NEK7: variants seen among roughly 807,000 people sequenced by gnomAD.
NEK7 encodes the protein NIMA related kinase 7.
A neutral mutation model predicts 44.6 loss-of-function variants in NEK7; 18 were observed. The observed-to-expected ratio is 0.40, with a 90% CI of 0.28 to 0.60. NEK7 has a LOEUF of 0.60. NEK7 is among the 20% of genes least tolerant of loss of function. The pLI is 0.38. For synonymous variants in NEK7, 130 were observed against 121.1 expected, an observed-to-expected ratio of 1.07 and a Z score of -0.48; for missense variants, 256 against 366.5, an observed-to-expected ratio of 0.70 and a Z score of 2.46.
At chr1:198,231,334 T>C (rs897210794) in intron 1 of NEK7, among the ~76,000 whole-genome samples, 1 of 139,612 alleles carries the variant, frequency 7.2e-6, no homozygotes, top group African/African-American at 2.8e-5. Flanking sequence ...TATATATATA[T>C]ATAAAAACAC....
chr1:198,184,312 G>T (rs1315423060), intron 1 of NEK7, among the ~76,000 whole-genome samples: 2 of 152,034 alleles, frequency 1.3e-5, no homozygotes, highest in African/African-American at 4.8e-5. Context: ...TTATGACTCA[G>T]TGCGATTTTT....
chr1:198,217,409 C>T (rs978502167), intron 1 of NEK7, among the ~76,000 whole-genome samples: 17 of 100,852 alleles, frequency 1.7e-4, no homozygotes, highest in Admixed American at 5.6e-4. Flanking sequence ...TGATAAAAAC[C>T]CTCAACTAGG....
chr1:198,281,906 A>G (rs909580688), intron 7 of NEK7, among the ~76,000 whole-genome samples: 10 of 152,074 alleles, frequency 6.6e-5, no homozygotes, highest in Admixed American at 6.6e-4. Context: ...CACATTTCCA[A>G]TTAGTTTTCA....
intron 1 of NEK7, among the ~76,000 whole-genome samples, chr1:198,230,805 A>C (rs1039202381): frequency 6.6e-6 from 1 of 151,886 alleles, no homozygotes; most frequent in African/African-American, 2.4e-5. Flanking sequence ...GAATTAAAAA[A>C]CCCCACCATT....
intron 9 of NEK7, among the ~76,000 whole-genome samples, chr1:198,316,038 A>G (rs1655358170): frequency 1.3e-5 from 2 of 152,364 alleles, no homozygotes; most frequent in African/African-American, 2.4e-5. Flanking sequence ...GCATACCAAC[A>G]TTTGGTAGAT....
chr1:198,202,781 A>G (rs1361059626), intron 1 of NEK7, among the ~76,000 whole-genome samples: 2 of 152,188 alleles, frequency 1.3e-5, no homozygotes, highest in Non-Finnish European at 2.9e-5. Flanking sequence ...ATCTGCCCCC[A>G]TGATTCAGTT....
chr1:198,312,701 G>A (rs1407503291), intron 9 of NEK7, among the ~76,000 whole-genome samples: 3 of 151,604 alleles, frequency 2.0e-5, no homozygotes, highest in Non-Finnish European at 4.4e-5. Context: ...TATGTACCCA[G>A]TAGTCATTCA....
intron 2 of NEK7, among the ~76,000 whole-genome samples, chr1:198,251,162 G>A (rs1168376735): frequency 6.6e-6 from 1 of 151,998 alleles, no homozygotes. Flanking sequence ...CTTTGGTTCT[G>A]TTTATATGCT....
chr1:198,172,795 A>G (rs1311981162), intron 1 of NEK7, among the ~76,000 whole-genome samples: 1 of 151,546 alleles, frequency 6.6e-6, no homozygotes, highest in African/African-American at 2.5e-5. Flanking sequence ...AAGAAATATT[A>G]ACCACATCAG....
At chr1:198,231,324 TATATATATATATAA>T (rs1410927811) in intron 1 of NEK7, among the ~76,000 whole-genome samples, 4 of 143,470 alleles carry the variant, frequency 2.8e-5, no homozygotes, top group South Asian at 2.2e-4. Flanking sequence ...TATATATATA[TATATATATATATAA>T]AAACACATGA....
chr1:198,272,722 C>T (rs915404980), intron 5 of NEK7, among the ~76,000 whole-genome samples: 1 of 151,788 alleles, frequency 6.6e-6, no homozygotes, highest in African/African-American at 2.4e-5. Flanking sequence ...GTGGAAACTT[C>T]TCTTAAGAAT....
rs142419913 is a variant in NEK7 at position 198,246,314 on chromosome 1, G to A, written c.58-6726G>A. Among the ~76,000 whole-genome samples the A allele has an allele frequency of 3.9e-3, 593 of 152,294 alleles. 4 individuals are homozygous for A. The highest frequency in any genetic ancestry group is 0.013 in the African/African-American group (543 of 41,566). ...TCAGCTCTCCACATCTACACTGGGT[G>A]ACAGGACATGGGAGCAGATGAGACA... On this transcript the variant is annotated intron_variant, in intron 2 of 9. Coordinates refer to ENST00000367385, the MANE Select transcript of NEK7 (RefSeq NM_133494.3).
chr1:198,201,071 A>G (rs570879687), intron 1 of NEK7, among the ~76,000 whole-genome samples: 1 of 152,304 alleles, frequency 6.6e-6, no homozygotes, highest in African/African-American at 2.4e-5. Flanking sequence ...TTTTTGTGGT[A>G]CATAATGTGT....
chr1:198,274,793 C>T (rs1653964950), intron 5 of NEK7, among the ~76,000 whole-genome samples: 1 of 151,600 alleles, frequency 6.6e-6, no homozygotes, highest in African/African-American at 2.4e-5. Flanking sequence ...TGGTCTTGGT[C>T]ATTTAATTTG....
At chr1:198,283,043 A>T (rs979208298) in intron 7 of NEK7, among the ~76,000 whole-genome samples, 8 of 152,144 alleles carry the variant, frequency 5.3e-5, no homozygotes, top group African/African-American at 1.9e-4. Context: ...TAAAGGATAT[A>T]AAAGAGGCAG....
At chr1:198,292,898 C>CTTTATA (rs751320859) in intron 7 of NEK7, 47 bp from the exon 8 acceptor site, 6 of 1,029,466 alleles carry the variant, frequency 5.8e-6, no homozygotes, top group Non-Finnish European at 9.2e-6. Context: ...ACAGCTGTAT[C>CTTTATA]TTTATTTTTA....
At chr1:198,173,880 T>A (rs541182701) in intron 1 of NEK7, among the ~76,000 whole-genome samples, 2 of 152,248 alleles carry the variant, frequency 1.3e-5, no homozygotes, top group Non-Finnish European at 2.9e-5. Context: ...TCTTATTCTT[T>A]GGATAGTATT....
At chr1:198,182,210 G>T (rs1664788869) in intron 1 of NEK7, among the ~76,000 whole-genome samples, 1 of 152,092 alleles carries the variant, frequency 6.6e-6, no homozygotes, top group Admixed American at 6.6e-5. Flanking sequence ...TAGAGATGTG[G>T]ATAATGATGG....
intron 1 of NEK7, among the ~76,000 whole-genome samples, chr1:198,184,538 T>C (rs1446200142): frequency 2.0e-5 from 3 of 152,218 alleles, no homozygotes; most frequent in African/African-American, 7.2e-5. Context: ...GATGTTTGAT[T>C]TAATAATTCT....
Sources: allele counts gnomAD v4.1 joint callset (sites outside exome capture counted in the v4.1 genomes callset), GRCh38; gene constraint gnomAD v4.1.1; transcripts MANE v1.5; gene names NCBI Gene and HGNC (gene_info 2026-07-23, HGNC 2026-07-21).